AKAP13: variants seen among roughly 807,000 people sequenced by gnomAD.
The protein encoded by AKAP13 is A-kinase anchoring protein 13.
In AKAP13, 80 loss-of-function variants were observed where a neutral mutation model predicts 264.5. The observed-to-expected ratio is 0.30, with a 90% CI of 0.25 to 0.36. The LOEUF is 0.36. AKAP13 is among the 10% of genes least tolerant of loss of function. The probability of loss-of-function intolerance (pLI) is 1.00; values close to 1 mark genes in which losing one functional copy is unlikely to be tolerated. For missense variants in AKAP13, 3,712 were observed against 3,435.2 expected, an observed-to-expected ratio of 1.08 and a Z score of -2.01; for synonymous variants, 1,380 against 1,250.2, an observed-to-expected ratio of 1.10 and a Z score of -2.19.
At chr15:85,499,338 T>G (rs986053290) in intron 2 of AKAP13, among the ~76,000 whole-genome samples, 1 of 152,214 alleles carries the variant, frequency 6.6e-6, no homozygotes, top group Non-Finnish European at 1.5e-5. Context: ...GAATTATTCC[T>G]TGTATGATTG....
At position 85,454,436 on chromosome 15, in the gene AKAP13, G is replaced by A. The variant is rs968414503; in HGVS notation, c.-11-31274G>A. 6.6e-5 allele frequency among the ~76,000 whole-genome samples: 10 copies of A among 152,096 alleles called. No homozygotes were observed. In the South Asian group the frequency reaches 1.2e-3, roughly 19 times the overall value. Reference sequence around the variant, plus strand: ...GAGTCGGGGAGGAACCCCTGGCTCCGTGTTGCTCCCAGGTGCGCTGTTTTC... The same window carrying A: ...GAGTCGGGGAGGAACCCCTGGCTCCATGTTGCTCCCAGGTGCGCTGTTTTC... On this transcript the variant is annotated intron_variant, in intron 1 of 36. Transcript: ENST00000394518.
intron 8 of AKAP13, among the ~76,000 whole-genome samples, chr15:85,634,615 A>G (rs948774647): frequency 6.6e-6 from 1 of 152,216 alleles, no homozygotes; most frequent in African/African-American, 2.4e-5. Flanking sequence ...ATTAACCAAT[A>G]TAAGTTTATA....
At chr15:85,631,480 ACTTT>A (rs1250096182) in intron 8 of AKAP13, among the ~76,000 whole-genome samples, 2 of 125,290 alleles carry the variant, frequency 1.6e-5, no homozygotes, top group African/African-American at 6.0e-5. Flanking sequence ...ACACACACAC[ACTTT>A]CTCTCTCTCT....
intron 3 of AKAP13, among the ~76,000 whole-genome samples, chr15:85,526,143 G>C (rs1053349104): frequency 6.6e-6 from 1 of 152,004 alleles, no homozygotes; most frequent in African/African-American, 2.4e-5. Flanking sequence ...CATTAAAAAA[G>C]AATAATACAT....
At chr15:85,692,424 A>G (rs2085336924) in intron 16 of AKAP13, among the ~76,000 whole-genome samples, 1 of 152,180 alleles carries the variant, frequency 6.6e-6, no homozygotes, top group African/African-American at 2.4e-5. Context: ...GACAAATGAG[A>G]AAACTAAGGC....
At chr15:85,403,124 T>C (rs7173901) in intron 1 of AKAP13, among the ~76,000 whole-genome samples, 35,073 of 152,012 alleles carry the variant, frequency 0.23, 4,334 homozygotes, top group South Asian at 0.32. Context: ...ATGAGAAATT[T>C]GTAAGATTAG....
chr15:85,430,420 A>G (rs1358034141), intron 1 of AKAP13, among the ~76,000 whole-genome samples: 1 of 152,216 alleles, frequency 6.6e-6, no homozygotes, highest in African/African-American at 2.4e-5. Context: ...GCTGAATAGA[A>G]ATAAGCTGAC....
At chr15:85,606,090 CTTTTTTTTTTTT>C (rs369008646) in intron 8 of AKAP13, among the ~76,000 whole-genome samples, 10 of 88,380 alleles carry the variant, frequency 1.1e-4, no homozygotes, top group East Asian at 5.3e-4. Flanking sequence ...GTTTGATCTA[CTTTTTTTTTTTT>C]TTTTTTTTTT....
chr15:85,401,497 T>A (rs1309324051), intron 1 of AKAP13, among the ~76,000 whole-genome samples: 1 of 152,196 alleles, frequency 6.6e-6, no homozygotes, highest in African/African-American at 2.4e-5. Flanking sequence ...ACAGCATTAT[T>A]TGGGCTTAAA....
chr15:85,380,934 G>A (rs2083385438), intron 1 of AKAP13, 136 bp downstream of exon 1: 1 of 152,200 alleles, frequency 6.6e-6, no homozygotes, highest in Non-Finnish European at 1.5e-5. Flanking sequence ...GGGGGTTTCG[G>A]GGGCGGGCTG....
At position 85,664,668 on chromosome 15, in the gene AKAP13, T is replaced by C; in HGVS notation, c.4905T>C (p.Ser1635=). 6.2e-7 allele frequency: 1 copy of C among 1,614,030 alleles called. No homozygotes were observed. Among genetic ancestry groups the C allele is most frequent in the South Asian group, 1.1e-5 (1 of 91,070 alleles). The change falls in exon 13 of 37, where the codon AGT becomes AGC. Residue 1635 remains serine, a synonymous_variant. Transcript: ENST00000394518. ...ANAEELRHPF[S]GEERVDSLVS... ...CCGAAGAGCTCAGACACCCATTCAG[T>C]GGTGAGGAACGGGTTGACTCTTTGG...
At chr15:85,507,042 TCTC>T (rs2076246906) in intron 2 of AKAP13, among the ~76,000 whole-genome samples, 1 of 152,158 alleles carries the variant, frequency 6.6e-6, no homozygotes, top group Non-Finnish European at 1.5e-5. Context: ...GCCTTTGTAG[TCTC>T]CTCTGGCAAA....
At chr15:85,682,030 G>A (rs113846646) in intron 14 of AKAP13, 128 bp from the exon 15 acceptor site, 14 of 779,546 alleles carry the variant, frequency 1.8e-5, no homozygotes, top group African/African-American at 8.8e-5. Context: ...TTAGAAGGAG[G>A]AGGTACCATG....
At chr15:85,649,063 G>T (rs1362354361) in intron 10 of AKAP13, among the ~76,000 whole-genome samples, 1 of 152,100 alleles carries the variant, frequency 6.6e-6, no homozygotes, top group East Asian at 1.9e-4. Flanking sequence ...AAAACCAAGG[G>T]CTGACTTACA....
At position 85,504,503 on chromosome 15, in the gene AKAP13, C is replaced by CAAAAAAAAAAA. The variant is rs566579814; in HGVS notation, c.34-16903_34-16893dup. 5.6e-3 allele frequency among the ~76,000 whole-genome samples: 508 copies of CAAAAAAAAAAA among 90,984 alleles called. 21 individuals carry two copies. The highest frequency in any genetic ancestry group is 0.014 in the Admixed American group (109 of 7,644). The allele number at this position is 90,984 out of a possible 152,430, so 59.7% of individuals were successfully genotyped here. A position where few individuals can be genotyped will look rare whatever the true frequency, so the allele number is the denominator to read the frequency against. On this transcript the variant is annotated intron_variant, in intron 2 of 36. Transcript: ENST00000394518. ...GCGATGTGGTGAGACCCTGTCTTTACAAAAAAAAAAAAAAAAAAAAAAAAA... is the reference window on the plus strand; with the variant it reads ...GCGATGTGGTGAGACCCTGTCTTTACAAAAAAAAAAAAAAAAAAAAAAAAAAAAAAAAAAAA...
chr15:85,556,429 C>G (rs2151248183), intron 5 of AKAP13, among the ~76,000 whole-genome samples: 1 of 152,238 alleles, frequency 6.6e-6, no homozygotes, highest in East Asian at 1.9e-4. Flanking sequence ...CTTACTGGAC[C>G]ATCATTCCAT....
intron 16 of AKAP13, among the ~76,000 whole-genome samples, chr15:85,686,061 A>G (rs959215979): frequency 6.6e-6 from 1 of 152,138 alleles, no homozygotes; most frequent in African/African-American, 2.4e-5. Context: ...CACCCTGTTC[A>G]TCTACCCACA....
At chr15:85,631,341 T>A (rs963311384) in intron 8 of AKAP13, among the ~76,000 whole-genome samples, 1 of 152,144 alleles carries the variant, frequency 6.6e-6, no homozygotes, top group South Asian at 2.1e-4. Context: ...TAAAAATGTT[T>A]AAAATTACAT....
intron 8 of AKAP13, among the ~76,000 whole-genome samples, chr15:85,628,376 G>T (rs1435225973): frequency 6.6e-6 from 1 of 152,152 alleles, no homozygotes; most frequent in Non-Finnish European, 1.5e-5. Flanking sequence ...GTAGCTGACA[G>T]CAAGATAGTG....
Sources: gnomAD v4.1 joint callset for allele counts (sites outside exome capture counted in the v4.1 genomes callset) on GRCh38, gnomAD v4.1.1 for gene constraint, MANE v1.5 for transcripts, NCBI Gene and HGNC (gene_info 2026-07-23, HGNC 2026-07-21) for gene names.